The following SLC35D4 variants were observed in gnomAD, a reference collection of about 807,000 sequenced individuals.
SLC35D4 encodes UDP-N-acetylglucosamine transporter SLC35D4.
At chr18:23,385,463 A>G in the SLC35D4 span, among the ~76,000 whole-genome samples, 3 of 152,122 alleles carry the variant, frequency 2.0e-5, no homozygotes, top group African/African-American at 7.2e-5. Flanking sequence ...TTGGACTACA[A>G]AGTGAAGTGA....
chr18:23,300,981 T>C, the SLC35D4 span, among the ~76,000 whole-genome samples: 8 of 152,366 alleles, frequency 5.3e-5, no homozygotes, highest in East Asian at 1.5e-3. Context: ...GGAGGCTGCA[T>C]CCTTTACCTG....
chr18:23,327,123 A>G, the SLC35D4 span, among the ~76,000 whole-genome samples: 1 of 152,234 alleles, frequency 6.6e-6, no homozygotes, highest in Non-Finnish European at 1.5e-5. Context: ...ACACCCTAAC[A>G]TCATAATTAA....
chr18:23,303,927 T>C, the SLC35D4 span, among the ~76,000 whole-genome samples: 2 of 145,268 alleles, frequency 1.4e-5, no homozygotes, highest in African/African-American at 5.1e-5. Context: ...AAAAAGAATT[T>C]AGGCTAGTCT....
chr18:23,313,776 C>T, the SLC35D4 span, among the ~76,000 whole-genome samples: 1 of 152,186 alleles, frequency 6.6e-6, no homozygotes, highest in Admixed American at 6.5e-5. Flanking sequence ...TCGCTCCCCT[C>T]CTCTCTCACT....
chr18:23,337,714 A>G, the SLC35D4 span, among the ~76,000 whole-genome samples: 2 of 152,212 alleles, frequency 1.3e-5, no homozygotes, highest in African/African-American at 4.8e-5. Flanking sequence ...TGACATAACC[A>G]AGACTCCTTC....
At chr18:23,379,125 CT>C in the SLC35D4 span, among the ~76,000 whole-genome samples, 484 of 139,286 alleles carry the variant, frequency 3.5e-3, no homozygotes, top group Middle Eastern at 0.015. Context: ...CTCAAAAATT[CT>C]TTTTTTTTTT....
the SLC35D4 span, chr18:23,365,529 G>T: frequency 1.5e-6 from 2 of 1,353,454 alleles, no homozygotes; most frequent in East Asian, 2.4e-5. Context: ...AGTCATCCTG[G>T]GGGGCAATGA....
chr18:23,335,771 C>T, the SLC35D4 span, among the ~76,000 whole-genome samples: 754 of 152,300 alleles, frequency 5.0e-3, 5 homozygotes, highest in Non-Finnish European at 8.7e-3. Context: ...ATCAATTCAT[C>T]CCCTAGAGGA....
the SLC35D4 span, among the ~76,000 whole-genome samples, chr18:23,267,469 C>T: frequency 6.6e-6 from 1 of 152,208 alleles, no homozygotes; most frequent in East Asian, 1.9e-4. Context: ...TCCACCCCGG[C>T]CCACTTCCTG....
At chr18:23,252,992 T>G in the SLC35D4 span, 2 of 1,613,676 alleles carry the variant, frequency 1.2e-6, no homozygotes, top group Admixed American at 1.7e-5. Flanking sequence ...AGCCCTCGGA[T>G]CTCAAGAAGG....
the SLC35D4 span, among the ~76,000 whole-genome samples, chr18:23,369,971 G>A: frequency 2.0e-5 from 3 of 152,212 alleles, no homozygotes; most frequent in East Asian, 1.9e-4. Context: ...ACCTGAGGTC[G>A]GTAGTTCCAG....
the SLC35D4 span, chr18:23,331,091 C>T: frequency 6.6e-6 from 1 of 152,252 alleles, no homozygotes; most frequent in East Asian, 1.9e-4. Context: ...GAGGCAGAGC[C>T]CCGGAACAGC....
chr18:23,286,617 C>T, the SLC35D4 span, among the ~76,000 whole-genome samples: 1 of 152,078 alleles, frequency 6.6e-6, no homozygotes, highest in Middle Eastern at 3.4e-3. Flanking sequence ...AGTCCGTCCC[C>T]TTCTTAATCA....
chr18:23,348,192 G>A, the SLC35D4 span, among the ~76,000 whole-genome samples: 3 of 152,154 alleles, frequency 2.0e-5, no homozygotes, highest in Non-Finnish European at 2.9e-5. Flanking sequence ...TATGGTCAGA[G>A]AACATACTTC....
chr18:23,298,002 C>A, the SLC35D4 span: 12 of 1,613,148 alleles, frequency 7.4e-6, no homozygotes, highest in Non-Finnish European at 1.0e-5. Flanking sequence ...TCTTGACCGT[C>A]TTGTTCAGGA....
At chr18:23,391,299 G>A in the SLC35D4 span, among the ~76,000 whole-genome samples, 3 of 151,780 alleles carry the variant, frequency 2.0e-5, no homozygotes, top group Non-Finnish European at 4.4e-5. Flanking sequence ...GGCCCTGAAC[G>A]GAGCCAAATA....
the SLC35D4 span, among the ~76,000 whole-genome samples, chr18:23,320,356 T>A: frequency 6.6e-6 from 1 of 152,308 alleles, no homozygotes; most frequent in African/African-American, 2.4e-5. Context: ...TTTGATTTTT[T>A]AAAAAAACAG....
chr18:23,253,093 C>A, the SLC35D4 span: 1 of 1,314,080 alleles, frequency 7.6e-7, no homozygotes, highest in Non-Finnish European at 1.1e-6. Flanking sequence ...TTGCCTGTGA[C>A]CTTTCCCTGC....
the SLC35D4 span, among the ~76,000 whole-genome samples, chr18:23,262,257 A>G: frequency 6.6e-6 from 1 of 152,226 alleles, no homozygotes; most frequent in East Asian, 1.9e-4. Flanking sequence ...AACTGGACTA[A>G]GCAACAGCTA....
Sources: gnomAD v4.1 joint callset for allele counts (sites outside exome capture counted in the v4.1 genomes callset) on GRCh38, gnomAD v4.1.1 for gene constraint, MANE v1.5 for transcripts, NCBI Gene and HGNC (gene_info 2026-07-23, HGNC 2026-07-21) for gene names.